Variants in ARID2 observed in about 807,000 individuals in gnomAD.
ARID2 encodes AT-rich interaction domain 2.
ARID2 carries 32 observed loss-of-function variants against 184.6 expected under a neutral mutation model. The observed-to-expected ratio is 0.17, with a 90% CI of 0.13 to 0.23. ARID2 has a LOEUF of 0.23. Ranked by LOEUF, ARID2 falls within the 10% of genes least tolerant of loss-of-function variation. The pLI is 1.00. For synonymous variants in ARID2, 836 were observed against 772.6 expected, an observed-to-expected ratio of 1.08 and a Z score of -1.36; for missense variants, 1,696 against 2,197.6, an observed-to-expected ratio of 0.77 and a Z score of 4.56.
intron 3 of ARID2, among the ~76,000 whole-genome samples, chr12:45,777,649 A>G (rs1942010649): frequency 6.6e-6 from 1 of 151,958 alleles, no homozygotes; most frequent in African/African-American, 2.4e-5. Flanking sequence ...CTTTCAATAT[A>G]GGTGCTACAT....
In ARID2 at chr12:45,850,505, A is replaced by G. The variant is rs1943526714; in HGVS notation, c.2382A>G (p.Gln794=). The part of the protein sequence containing the change: ...PSGTPVTVIQ[Q]AVPQSHMFGR... ...GCACTCCTGTTACAGTAATTCAACA[A>G]GCTGTCCCACAGAGTCATATGTTTG... The change falls in exon 15 of 21, where the codon CAA becomes CAG. Residue 794 remains glutamine (Q), a synonymous_variant. Coordinates refer to ENST00000334344, the MANE Select transcript of ARID2 (RefSeq NM_152641.4). 1 of 1,613,952 alleles carries G rather than the reference A, an allele frequency of 6.2e-7. No homozygotes were observed. Among genetic ancestry groups the G allele is most frequent in the Admixed American group, 1.7e-5 (1 of 59,980 alleles).
Position 45,851,185 on chromosome 12 carries a change from C to T in ARID2, c.3062C>T (p.Pro1021Leu), listed in dbSNP as rs779616407. The T allele has an allele frequency of 1.9e-6, 3 of 1,614,100 alleles. No homozygotes were observed. The highest frequency in any genetic ancestry group is 2.2e-5 in the East Asian group (1 of 44,886). ...RQQQQQHSPA[P>L]PPQQVQVQVQ... is the part of the protein sequence containing the mutation. ...CAACAGCAGCAACATTCACCAGCAC[C>T]CCCACCACAGCAGGTACAAGTACAA... The change falls in exon 15 of 21, where the codon CCC (proline) becomes CTC (leucine). Residue 1021 changes from proline (P) to leucine (L), a missense_variant. Pro to Leu is a moderately conservative substitution (Grantham distance 98). Coordinates refer to ENST00000334344, the MANE Select transcript of ARID2 (RefSeq NM_152641.4).
intron 3 of ARID2, among the ~76,000 whole-genome samples, chr12:45,787,013 G>T (rs1008011308): frequency 2.0e-5 from 3 of 151,990 alleles, no homozygotes; most frequent in Admixed American, 2.0e-4. Context: ...TCGGTCAAAG[G>T]TTACAAAATT....
At chr12:45,832,303 A>G (rs1376078833) in intron 6 of ARID2, among the ~76,000 whole-genome samples, 1 of 152,128 alleles carries the variant, frequency 6.6e-6, no homozygotes, top group Non-Finnish European at 1.5e-5. Context: ...TACTTTTAAT[A>G]TGTTCTCTTT....
intron 20 of ARID2, among the ~76,000 whole-genome samples, chr12:45,901,313 G>GGC (rs1224687999): frequency 6.6e-6 from 1 of 151,202 alleles, no homozygotes; most frequent in Non-Finnish European, 1.5e-5. Context: ...TGGGACTACA[G>GGC]GCGCCCACCA....
chr12:45,814,289 A>G (rs1329563350), intron 4 of ARID2, among the ~76,000 whole-genome samples: 1 of 152,204 alleles, frequency 6.6e-6, no homozygotes, highest in Admixed American at 6.5e-5. Flanking sequence ...TTGAAAACAA[A>G]GAGAAGTGAC....
At chr12:45,785,497 A>G (rs140617623) in intron 3 of ARID2, among the ~76,000 whole-genome samples, 117 of 152,298 alleles carry the variant, frequency 7.7e-4, no homozygotes, top group African/African-American at 2.6e-3. Context: ...TGAAAGAGCA[A>G]TGAACTATGA....
Position 45,852,423 on chromosome 12 carries a change from G to A in ARID2, c.4300G>A (p.Ala1434Thr), listed in dbSNP as rs150136669. 2 of 1,614,008 alleles carry A rather than the reference G, an allele frequency of 1.2e-6. No homozygotes were observed. The highest frequency in any genetic ancestry group is 1.1e-5 in the South Asian group (1 of 91,094). ...TTCATCTGTGAGCAGTATACAGGAG[G>A]CTTCAAATGCGGCAACACAGCAATT... ...GGSSVSSIQE[A>T]SNAATQQFSG... Residue 1434 changes from alanine to threonine, a missense_variant, in exon 15 of 21, where the codon GCT becomes ACT. Around this residue, in one of 11 missense-constraint regions of ARID2, gnomAD observed 428 missense variants for 409.1 expected, o/e 1.05. Coordinates refer to ENST00000334344, the MANE Select transcript of ARID2 (RefSeq NM_152641.4).
intron 20 of ARID2, among the ~76,000 whole-genome samples, chr12:45,904,180 A>G (rs1944492513): frequency 6.6e-6 from 1 of 152,196 alleles, no homozygotes; most frequent in South Asian, 2.1e-4. Context: ...CTAATGGGGC[A>G]TTTAGGATAT....
intron 11 of ARID2, 137 bp from the exon 12 acceptor site, chr12:45,846,719 G>A: frequency 3.0e-6 from 2 of 666,626 alleles, no homozygotes; most frequent in Non-Finnish European, 5.0e-6. Flanking sequence ...GTTCTCAAAT[G>A]TGTATACTTT....
intron 3 of ARID2, among the ~76,000 whole-genome samples, chr12:45,787,259 C>T (rs992807799): frequency 1.9e-4 from 29 of 151,010 alleles, no homozygotes; most frequent in African/African-American, 5.6e-4. Flanking sequence ...CCTCTGTCAC[C>T]CAGGCTGGAG....
chr12:45,767,528 A>C (rs968167316), intron 3 of ARID2, among the ~76,000 whole-genome samples: 4 of 152,220 alleles, frequency 2.6e-5, no homozygotes, highest in Non-Finnish European at 5.9e-5. Flanking sequence ...GCAGGTCACC[A>C]CAAATAGCAA....
At chr12:45,890,427 A>G (rs572431724) in intron 16 of ARID2, among the ~76,000 whole-genome samples, 1 of 152,338 alleles carries the variant, frequency 6.6e-6, no homozygotes, top group Admixed American at 6.5e-5. Flanking sequence ...TGCAGACTTT[A>G]TATTGCAATT....
rs1009124117 is a variant in ARID2 at position 45,766,219 on chromosome 12, G to A, written c.284+34905G>A. Among the ~76,000 whole-genome samples the A allele has an allele frequency of 7.3e-5, 11 of 151,456 alleles. No homozygotes were observed. The East Asian group carries it at 1.9e-3, about 27-fold the overall frequency. ...GTCTTGCTCTGTCACCAAGACTGGA[G>A]TGCAGTGGCGCAATCTCGGCTCACT... is the stretch of plus-strand genomic sequence containing the variant. On this transcript the variant is annotated intron_variant, in intron 3 of 20. Coordinates refer to ENST00000334344, the MANE Select transcript of ARID2 (RefSeq NM_152641.4).
chr12:45,825,911 A>G (rs539968351), intron 6 of ARID2, among the ~76,000 whole-genome samples: 2 of 152,076 alleles, frequency 1.3e-5, no homozygotes, highest in East Asian at 3.9e-4. Context: ...GTAGATCAGT[A>G]TGATTTATTG....
In ARID2 at chr12:45,905,246, C is replaced by T; in HGVS notation, c.*168C>T. On this transcript the variant is annotated 3_prime_UTR_variant, in exon 21 of 21. Coordinates refer to ENST00000334344, the MANE Select transcript of ARID2 (RefSeq NM_152641.4). ...CGTATTCTGATCTCTGAGTGAATCCCTTTGTTCTCTGTTTAAAAAAATCTA... is the reference window on the plus strand; with the variant it reads ...CGTATTCTGATCTCTGAGTGAATCCTTTTGTTCTCTGTTTAAAAAAATCTA... 1.8e-6 allele frequency: 1 copy of T among 567,464 alleles called. No homozygotes were observed. Among genetic ancestry groups the T allele is most frequent in the Non-Finnish European group, 2.7e-6 (1 of 365,142 alleles). The allele number at this position is 567,464 out of a possible 1,614,324, so 35.2% of individuals were successfully genotyped here.
intron 16 of ARID2, among the ~76,000 whole-genome samples, chr12:45,875,865 C>G (rs956198284): frequency 6.6e-6 from 1 of 152,224 alleles, no homozygotes; most frequent in Non-Finnish European, 1.5e-5. Context: ...AATAGAATGT[C>G]TTGACTGGTT....
chr12:45,779,802 T>G (rs1411459869), intron 3 of ARID2, among the ~76,000 whole-genome samples: 1 of 152,156 alleles, frequency 6.6e-6, no homozygotes, highest in Non-Finnish European at 1.5e-5. Flanking sequence ...AAATTCATAC[T>G]GAGAAGTATT....
At chr12:45,795,583 C>T (rs376531295) in intron 3 of ARID2, among the ~76,000 whole-genome samples, 2 of 152,094 alleles carry the variant, frequency 1.3e-5, no homozygotes, top group Non-Finnish European at 2.9e-5. Flanking sequence ...CAGGCGCCCG[C>T]CACCACGCCT....
Sources: allele counts gnomAD v4.1 joint callset (sites outside exome capture counted in the v4.1 genomes callset), GRCh38; gene constraint gnomAD v4.1.1; regional missense constraint gnomAD v4.1.1; transcripts MANE v1.5; gene names NCBI Gene and HGNC (gene_info 2026-07-23, HGNC 2026-07-21).